Variants in UBR3 observed in about 807,000 individuals in gnomAD.
UBR3 encodes the protein ubiquitin protein ligase E3 component n-recognin 3.
A neutral mutation model predicts 243.2 loss-of-function variants in UBR3; 85 were observed. That is an observed-to-expected ratio of 0.35 (90% confidence interval 0.29 to 0.42). The LOEUF (loss-of-function observed/expected upper bound fraction) is 0.42, where lower values mean the gene tolerates loss of function less well. Ranked by LOEUF, UBR3 falls within the 10% of genes least tolerant of loss-of-function variation. The pLI, the probability that UBR3 is intolerant of heterozygous loss-of-function variation, is 1.00. For synonymous variants in UBR3, 748 were observed against 799.8 expected, an observed-to-expected ratio of 0.94 and a Z score of 1.09; for missense variants, 1,686 against 2,300.8, an observed-to-expected ratio of 0.73 and a Z score of 5.47.
intron 36 of UBR3, chr2:170,077,666 A>G (rs536301485): frequency 1.4e-4 from 56 of 395,440 alleles, no homozygotes; most frequent in East Asian, 4.3e-4. Flanking sequence ...GCTTACTGCA[A>G]CCTCAGCCTC....
rs2086939640 is a variant in UBR3 at position 169,949,864 on chromosome 2, T to C, written c.3344T>C (p.Ile1115Thr). The C allele has an allele frequency of 8.8e-6, 14 of 1,596,514 alleles. No individual in the cohort carries two copies. Among genetic ancestry groups the C allele is most frequent in the Non-Finnish European group, 1.2e-5 (14 of 1,169,998 alleles). The change falls in exon 23 of 39, where the codon ATA becomes ACA. Residue 1115 changes from isoleucine to threonine, a missense_variant. This residue lies in a region of UBR3 where 300 missense variants were observed against 314.4 expected (regional missense o/e 0.95). Transcript: ENST00000272793. Reference sequence around the variant, plus strand: ...TACTATCCTCCTTGGCTTGATGACATAGAAATTTTAATCCAACCAGAAATT... The same window carrying C: ...TACTATCCTCCTTGGCTTGATGACACAGAAATTTTAATCCAACCAGAAATT... ...NSYYPPWLDD[I>T]EILIQPEIPK...
intron 32 of UBR3, among the ~76,000 whole-genome samples, chr2:170,041,239 AAC>A (rs1364909667): frequency 6.6e-6 from 1 of 152,222 alleles, no homozygotes; most frequent in Non-Finnish European, 1.5e-5. Context: ...TTGTGGTAAT[AAC>A]AGACATTGTT....
intron 1 of UBR3, among the ~76,000 whole-genome samples, chr2:169,856,194 G>A (rs2082850522): frequency 6.6e-6 from 1 of 151,952 alleles, no homozygotes; most frequent in African/African-American, 2.4e-5. Flanking sequence ...GTTCCCAGAC[G>A]GGGTCGCGGC....
At chr2:169,891,738 G>A (rs1289153258) in intron 6 of UBR3, among the ~76,000 whole-genome samples, 1 of 152,106 alleles carries the variant, frequency 6.6e-6, no homozygotes, top group Non-Finnish European at 1.5e-5. Flanking sequence ...TTTGTAGTGA[G>A]GGACTAGATT....
At chr2:169,914,710 G>A (rs1050383628) in intron 11 of UBR3, among the ~76,000 whole-genome samples, 1 of 152,138 alleles carries the variant, frequency 6.6e-6, no homozygotes, top group Admixed American at 6.5e-5. Context: ...ATGAAGTAGG[G>A]TCAGAATATG....
Position 169,962,269 on chromosome 2 carries a change from A to T in UBR3, c.3634+3743A>T, listed in dbSNP as rs78920139. Among the ~76,000 whole-genome samples the T allele has an allele frequency of 3.7e-3, 564 of 151,948 alleles. 3 individuals carry two copies. Among genetic ancestry groups the T allele is most frequent in the African/African-American group, 0.013 (529 of 41,426 alleles). On this transcript the variant is annotated intron_variant, in intron 24 of 38. Coordinates refer to ENST00000272793, the MANE Select transcript of UBR3 (RefSeq NM_172070.4). ...AAAATTTTTTTTTTTAATTAAAGAGACAAGGTACTTTCTGTATTGCTCAGG... is the reference window on the plus strand; with the variant it reads ...AAAATTTTTTTTTTTAATTAAAGAGTCAAGGTACTTTCTGTATTGCTCAGG...
intron 10 of UBR3, among the ~76,000 whole-genome samples, chr2:169,910,509 G>T (rs1019651212): frequency 3.3e-5 from 5 of 152,046 alleles, no homozygotes; most frequent in African/African-American, 7.2e-5. Flanking sequence ...TCATATTTCA[G>T]CTTTCAAGGC....
intron 31 of UBR3, among the ~76,000 whole-genome samples, chr2:170,037,668 G>A (rs2090867453): frequency 6.6e-6 from 1 of 152,128 alleles, no homozygotes; most frequent in Non-Finnish European, 1.5e-5. Flanking sequence ...GATTACAGGC[G>A]TGAGCCACTG....
intron 33 of UBR3, among the ~76,000 whole-genome samples, chr2:170,056,191 A>G (rs2091332406): frequency 2.6e-5 from 4 of 151,802 alleles, no homozygotes; most frequent in Admixed American, 2.0e-4. Context: ...TATTTTTAGT[A>G]GAGACAGGGT....
intron 19 of UBR3, among the ~76,000 whole-genome samples, chr2:169,939,813 C>G (rs934549921): frequency 2.0e-5 from 3 of 152,062 alleles, no homozygotes; most frequent in Non-Finnish European, 1.5e-5. Flanking sequence ...GATCTGCTTG[C>G]CTTGGCCTCC....
chr2:169,911,490 T>G (rs1292983618), intron 10 of UBR3, among the ~76,000 whole-genome samples: 1 of 152,128 alleles, frequency 6.6e-6, no homozygotes, highest in African/African-American at 2.4e-5. Context: ...ATTTAAGTAA[T>G]TTGCTCAAGG....
At chr2:170,002,885 ACT>A (rs1177347948) in intron 27 of UBR3, among the ~76,000 whole-genome samples, 1 of 151,934 alleles carries the variant, frequency 6.6e-6, no homozygotes, top group East Asian at 1.9e-4. Context: ...ATAGGGTCTC[ACT>A]CTGTTTCCCA....
intron 1 of UBR3, among the ~76,000 whole-genome samples, chr2:169,837,467 T>A (rs113685136): frequency 0.044 from 6,623 of 152,030 alleles, 166 homozygotes; most frequent in Middle Eastern, 0.068. Context: ...CAAGAGGAAA[T>A]CTCCGTCTCA....
chr2:169,839,920 G>A (rs2082237101), intron 1 of UBR3, among the ~76,000 whole-genome samples: 1 of 152,208 alleles, frequency 6.6e-6, no homozygotes, highest in Non-Finnish European at 1.5e-5. Context: ...TGCTGGTCAA[G>A]ACAGATTTAT....
intron 23 of UBR3, among the ~76,000 whole-genome samples, chr2:169,954,224 T>G (rs1022913403): frequency 7.3e-6 from 1 of 137,128 alleles, no homozygotes; most frequent in African/African-American, 3.1e-5. Context: ...TCTTGTCTTG[T>G]CTTCTCTTCT....
chr2:169,879,680 A>G (rs530992749), intron 5 of UBR3, among the ~76,000 whole-genome samples: 28 of 152,346 alleles, frequency 1.8e-4, no homozygotes, highest in Non-Finnish European at 3.2e-4. Context: ...TGAGGATTGA[A>G]TGAGTTAACA....
chr2:169,941,743 A>G (rs2086598496), intron 19 of UBR3, among the ~76,000 whole-genome samples: 1 of 152,230 alleles, frequency 6.6e-6, no homozygotes, highest in Non-Finnish European at 1.5e-5. Flanking sequence ...ATTTTCAGGC[A>G]TCTACTGGGG....
chr2:170,061,871 T>A (rs537712551), intron 35 of UBR3, among the ~76,000 whole-genome samples: 1 of 152,332 alleles, frequency 6.6e-6, no homozygotes, highest in South Asian at 2.1e-4. Context: ...CTTAAAGGAA[T>A]AAATATTTAG....
chr2:169,857,071 T>TTTTTG (rs1553494609), intron 1 of UBR3, among the ~76,000 whole-genome samples: 1 of 110,114 alleles, frequency 9.1e-6, no homozygotes, highest in Non-Finnish European at 1.9e-5. Context: ...TATGTTTTTT[T>TTTTTG]TTTTTTTTTT....
Sources: gnomAD v4.1 joint callset for allele counts (sites outside exome capture counted in the v4.1 genomes callset) on GRCh38, gnomAD v4.1.1 for gene constraint, gnomAD v4.1.1 regional missense constraint, MANE v1.5 for transcripts, NCBI Gene and HGNC (gene_info 2026-07-23, HGNC 2026-07-21) for gene names.